NDFIP2: variants seen among roughly 807,000 people sequenced by gnomAD.
The protein encoded by NDFIP2 is NEDD4 family-interacting protein 2.
In NDFIP2, 19 loss-of-function variants were observed where a neutral mutation model predicts 36.0. The observed-to-expected ratio is 0.53, with a 90% CI of 0.37 to 0.77. The LOEUF (loss-of-function observed/expected upper bound fraction) is 0.77, where lower values mean the gene tolerates loss of function less well. Ranked by LOEUF, NDFIP2 falls within the 30% of genes least tolerant of loss-of-function variation. The probability of loss-of-function intolerance (pLI) is 0.00; values close to 1 mark genes in which losing one functional copy is unlikely to be tolerated. For synonymous variants in NDFIP2, 181 were observed against 167.7 expected (o/e 1.08, Z -0.61); for missense variants, 446 against 435.8 (o/e 1.02, Z -0.21).
At chr13:79,528,560 A>T (rs1048686830) in intron 2 of NDFIP2, among the ~76,000 whole-genome samples, 2 of 152,060 alleles carry the variant, frequency 1.3e-5, no homozygotes, top group Non-Finnish European at 2.9e-5. Context: ...TCACTCACTG[A>T]CTCACCCAGA....
At chr13:79,488,057 A>T (rs185200816) in intron 1 of NDFIP2, among the ~76,000 whole-genome samples, 1 of 152,268 alleles carries the variant, frequency 6.6e-6, no homozygotes, top group African/African-American at 2.4e-5. Flanking sequence ...AACCTTCTAG[A>T]CTACTGCTTT....
chr13:79,526,946 C>T (rs1874819954), intron 2 of NDFIP2, among the ~76,000 whole-genome samples: 2 of 152,126 alleles, frequency 1.3e-5, no homozygotes, highest in Admixed American at 6.5e-5. Context: ...CACATAGCTT[C>T]TCAGTGGTAA....
intron 3 of NDFIP2, among the ~76,000 whole-genome samples, chr13:79,536,267 T>G (rs1241376834): frequency 2.0e-5 from 3 of 152,228 alleles, no homozygotes; most frequent in Non-Finnish European, 4.4e-5. Context: ...TTTTTGTAAC[T>G]TGTTTTAAAT....
intron 6 of NDFIP2, 126 bp downstream of exon 6, chr13:79,548,520 A>AT: frequency 1.3e-6 from 1 of 744,490 alleles, no homozygotes; most frequent in Non-Finnish European, 2.2e-6. Flanking sequence ...ATTCAAACAC[A>AT]TCATCTCACG....
At position 79,547,242 on chromosome 13, in the gene NDFIP2, TGCCACA is replaced by T. The variant is rs548915322; in HGVS notation, c.841-1082_841-1077del. Among the ~76,000 whole-genome samples, 92 of 152,256 alleles carry T rather than the reference TGCCACA, an allele frequency of 6.0e-4. No homozygotes were observed. The East Asian group carries it at 0.014, about 23-fold the overall frequency. On this transcript the variant is annotated intron_variant, in intron 5 of 7. Transcript: ENST00000218652. ...ACAATTTGTAAGCATTTTTTATTTT[TGCCACA>T]GCCTAGGATTTTTAAGCTTATATAG...
intron 1 of NDFIP2, among the ~76,000 whole-genome samples, chr13:79,502,147 A>G (rs1332338506): frequency 1.3e-5 from 2 of 152,310 alleles, no homozygotes; most frequent in South Asian, 2.1e-4. Flanking sequence ...AAAGAGGCGT[A>G]AAGAGATTAA....
At chr13:79,547,230 A>G (rs561389009) in intron 5 of NDFIP2, among the ~76,000 whole-genome samples, 35 of 152,212 alleles carry the variant, frequency 2.3e-4, no homozygotes, top group Non-Finnish European at 4.9e-4. Flanking sequence ...ATTTGTAAGC[A>G]TTTTTTATTT....
At position 79,533,434 on chromosome 13, in the gene NDFIP2, C is replaced by A. The variant is rs1012561635; in HGVS notation, c.599C>A (p.Ala200Glu). 3 of 1,601,824 alleles carry A rather than the reference C, an allele frequency of 1.9e-6. No individual in the cohort carries two copies. Among genetic ancestry groups the A allele is most frequent in the Non-Finnish European group, 2.6e-6 (3 of 1,176,076 alleles). The change falls in exon 3 of 8, where the codon GCA (alanine) becomes GAA (glutamate). Residue 200 changes from alanine (A) to glutamate (E), a missense_variant. By Grantham distance (107) the Ala-to-Glu change is moderately radical (BLOSUM62 -1). Around this residue, in one of 2 missense-constraint regions of NDFIP2, gnomAD observed 369 missense variants for 304.8 expected, o/e 1.21. Transcript: ENST00000218652. ...GCTAAAGCTGCTGCAATGGCAGCTG[C>A]AGCAGCAGAAACATCTCAAAGAGTA... ...EKAKAAAMAA[A>E]AAETSQRIQE...
At chr13:79,501,211 A>C (rs1238915353) in intron 1 of NDFIP2, among the ~76,000 whole-genome samples, 1 of 152,044 alleles carries the variant, frequency 6.6e-6, no homozygotes, top group Non-Finnish European at 1.5e-5. Flanking sequence ...AGGACAGTGA[A>C]AGTACTCTGT....
At chr13:79,501,180 G>A (rs930021339) in intron 1 of NDFIP2, among the ~76,000 whole-genome samples, 4 of 152,036 alleles carry the variant, frequency 2.6e-5, no homozygotes, top group African/African-American at 9.7e-5. Context: ...GGGATGAATA[G>A]GTGGAGCACA....
At chr13:79,505,404 G>A (rs933315277) in intron 1 of NDFIP2, among the ~76,000 whole-genome samples, 1 of 151,954 alleles carries the variant, frequency 6.6e-6, no homozygotes, top group Non-Finnish European at 1.5e-5. Flanking sequence ...CCAACACAGG[G>A]GTATTGCTTG....
At chr13:79,508,536 G>C (rs1176727717) in intron 1 of NDFIP2, among the ~76,000 whole-genome samples, 1 of 152,212 alleles carries the variant, frequency 6.6e-6, no homozygotes, top group Non-Finnish European at 1.5e-5. Flanking sequence ...GTAACTTCCT[G>C]ACGTTGCCAT....
At chr13:79,546,067 T>C (rs1875662819) in intron 5 of NDFIP2, among the ~76,000 whole-genome samples, 1 of 152,196 alleles carries the variant, frequency 6.6e-6, no homozygotes, top group Non-Finnish European at 1.5e-5. Flanking sequence ...TCTACCTTGG[T>C]CTCAATTCAT....
chr13:79,486,807 A>G (rs909798971), intron 1 of NDFIP2, among the ~76,000 whole-genome samples: 3 of 152,238 alleles, frequency 2.0e-5, no homozygotes, highest in Non-Finnish European at 4.4e-5. Context: ...AGATGTGTTT[A>G]GATAAATACT....
chr13:79,482,036 G>C (rs1041747566), intron 1 of NDFIP2, among the ~76,000 whole-genome samples: 1 of 152,060 alleles, frequency 6.6e-6, no homozygotes, highest in Non-Finnish European at 1.5e-5. Flanking sequence ...TGGAACTGTA[G>C]AGAAAGACTA....
At chr13:79,526,072 T>G (rs1297311044) in intron 2 of NDFIP2, among the ~76,000 whole-genome samples, 6 of 152,174 alleles carry the variant, frequency 3.9e-5, no homozygotes, top group Non-Finnish European at 7.4e-5. Context: ...CTGCTAAAAC[T>G]TCAGACAGGA....
chr13:79,519,926 G>T lies in NDFIP2; in HGVS notation c.322-884G>T, dbSNP rs556209385. On this transcript the variant is annotated intron_variant, in intron 1 of 7. Coordinates refer to ENST00000218652, the MANE Select transcript of NDFIP2 (RefSeq NM_019080.3). Reference sequence around the variant, plus strand: ...AGCAATTCTCCTGCCTCAGCCACCCGAGTAGCTGGGATTACAGGTGTGCGA... The same window carrying T: ...AGCAATTCTCCTGCCTCAGCCACCCTAGTAGCTGGGATTACAGGTGTGCGA... 5.3e-5 allele frequency among the ~76,000 whole-genome samples: 8 copies of T among 152,218 alleles called. 1 individual carries two copies. In the South Asian group the frequency reaches 1.2e-3, roughly 24 times the overall value.
intron 4 of NDFIP2, among the ~76,000 whole-genome samples, chr13:79,539,982 T>G (rs1464052939): frequency 6.6e-6 from 1 of 152,246 alleles, no homozygotes; most frequent in Non-Finnish European, 1.5e-5. Context: ...TTGGATAAAT[T>G]TATGCGTTGC....
chr13:79,484,234 C>T (rs1030778685), intron 1 of NDFIP2, among the ~76,000 whole-genome samples: 1 of 151,990 alleles, frequency 6.6e-6, no homozygotes, highest in African/African-American at 2.4e-5. Flanking sequence ...AGGCTGGTCT[C>T]GAACTCCTGA....
Sources: allele counts gnomAD v4.1 joint callset (sites outside exome capture counted in the v4.1 genomes callset), GRCh38; gene constraint gnomAD v4.1.1; regional missense constraint gnomAD v4.1.1; transcripts MANE v1.5; gene names NCBI Gene and HGNC (gene_info 2026-07-23, HGNC 2026-07-21).